The following POFUT3 variants were observed in gnomAD, a reference collection of about 807,000 sequenced individuals.
POFUT3 encodes the protein protein O-fucosyltransferase 3.
the POFUT3 span, among the ~76,000 whole-genome samples, chr8:33,339,208 A>T: frequency 0.22 from 34,202 of 152,128 alleles, 4,206 homozygotes; most frequent in South Asian, 0.5. Flanking sequence ...CAACGAAGAG[A>T]TATAAAGTTT....
chr8:33,467,254 C>T, the POFUT3 span, among the ~76,000 whole-genome samples: 2 of 114,820 alleles, frequency 1.7e-5, no homozygotes, highest in Non-Finnish European at 3.2e-5. Context: ...GCCTGGGCGA[C>T]GGAGCGAGAC....
chr8:33,371,908 C>T, the POFUT3 span: 1 of 152,406 alleles, frequency 6.6e-6, no homozygotes, highest in Non-Finnish European at 1.5e-5. Context: ...TAACATCTCA[C>T]TAATCAAAAC....
At chr8:33,412,941 T>C in the POFUT3 span, among the ~76,000 whole-genome samples, 4 of 152,128 alleles carry the variant, frequency 2.6e-5, no homozygotes, top group Non-Finnish European at 5.9e-5. Flanking sequence ...TTTGCCATCT[T>C]AAGAGACCCT....
the POFUT3 span, among the ~76,000 whole-genome samples, chr8:33,454,335 C>T: frequency 6.6e-6 from 1 of 152,168 alleles, no homozygotes; most frequent in African/African-American, 2.4e-5. Flanking sequence ...CTCTTCAAAG[C>T]CAGCAACACT....
At chr8:33,395,432 AGGAG>A in the POFUT3 span, among the ~76,000 whole-genome samples, 1 of 151,936 alleles carries the variant, frequency 6.6e-6, no homozygotes, top group Non-Finnish European at 1.5e-5. Flanking sequence ...ACGATTGGAG[AGGAG>A]TTTGGCCAGG....
At chr8:33,389,881 G>C in the POFUT3 span, 1 of 909,048 alleles carries the variant, frequency 1.1e-6, no homozygotes, top group South Asian at 1.6e-5. Flanking sequence ...TTAGAATACA[G>C]AGGAGTCTGA....
At chr8:33,422,018 GAAAACAAAAACAAAAACA>G in the POFUT3 span, among the ~76,000 whole-genome samples, 1 of 149,534 alleles carries the variant, frequency 6.7e-6, no homozygotes, top group African/African-American at 2.5e-5. Context: ...CAACCACACA[GAAAACAAAAACAAAAACA>G]AAAACAAAAA....
chr8:33,390,611 AT>A, the POFUT3 span, among the ~76,000 whole-genome samples: 1 of 151,208 alleles, frequency 6.6e-6, no homozygotes, highest in Non-Finnish European at 1.5e-5. Context: ...TAGAAGATAG[AT>A]TTTTTTAATC....
At chr8:33,319,431 TA>T in the POFUT3 span, among the ~76,000 whole-genome samples, 1 of 66,526 alleles carries the variant, frequency 1.5e-5, no homozygotes, top group Admixed American at 2.8e-4. Context: ...ATTATATATA[TA>T]TTTTTTATAT....
the POFUT3 span, among the ~76,000 whole-genome samples, chr8:33,379,172 C>T: frequency 1.3e-5 from 2 of 152,088 alleles, no homozygotes; most frequent in South Asian, 4.1e-4. Context: ...TTTCCCAAGA[C>T]CTCCCTCGCC....
At chr8:33,467,014 A>G in the POFUT3 span, among the ~76,000 whole-genome samples, 54 of 151,976 alleles carry the variant, frequency 3.6e-4, no homozygotes, top group African/African-American at 1.3e-3. Flanking sequence ...CTGAGGCAGG[A>G]AGGATTGCTT....
the POFUT3 span, among the ~76,000 whole-genome samples, chr8:33,444,621 C>G: frequency 2.0e-5 from 3 of 152,026 alleles, no homozygotes; most frequent in Admixed American, 6.6e-5. Flanking sequence ...AGTTTGAGAC[C>G]AGCCTGGCCA....
At chr8:33,332,526 C>T in the POFUT3 span, among the ~76,000 whole-genome samples, 17 of 115,678 alleles carry the variant, frequency 1.5e-4, no homozygotes, top group Middle Eastern at 4.0e-3. Context: ...AGAAAGAAAG[C>T]GAGGGAGGGA....
chr8:33,366,165 C>T, the POFUT3 span, among the ~76,000 whole-genome samples: 1 of 152,146 alleles, frequency 6.6e-6, no homozygotes, highest in Non-Finnish European at 1.5e-5. Context: ...GGACAGAAAA[C>T]CAAACACTGC....
the POFUT3 span, among the ~76,000 whole-genome samples, chr8:33,354,125 T>A: frequency 6.6e-6 from 1 of 152,176 alleles, no homozygotes; most frequent in South Asian, 2.1e-4. Context: ...TAAAATTTGT[T>A]TGGTGTGTTG....
chr8:33,416,830 C>CAAAAAAA, the POFUT3 span, among the ~76,000 whole-genome samples: 2 of 44,460 alleles, frequency 4.5e-5, no homozygotes, highest in Non-Finnish European at 5.5e-5. Context: ...TGGGCGACGA[C>CAAAAAAA]AAAAAAAAAA....
At chr8:33,452,307 G>A in the POFUT3 span, 1 of 151,996 alleles carries the variant, frequency 6.6e-6, no homozygotes, top group Non-Finnish European at 1.5e-5. Flanking sequence ...AAAGTTACAT[G>A]CTCACAGCTC....
the POFUT3 span, among the ~76,000 whole-genome samples, chr8:33,310,230 T>C: frequency 6.6e-6 from 1 of 152,092 alleles, no homozygotes. Context: ...GAGATTTTAC[T>C]AAATTGAAGG....
the POFUT3 span, chr8:33,389,468 G>C: frequency 6.2e-7 from 1 of 1,614,222 alleles, no homozygotes; most frequent in Non-Finnish European, 8.5e-7. Flanking sequence ...CTCGATGTAA[G>C]TCATCAGCTC....
Sources: allele counts gnomAD v4.1 joint callset (sites outside exome capture counted in the v4.1 genomes callset), GRCh38; gene constraint gnomAD v4.1.1; transcripts MANE v1.5; gene names NCBI Gene and HGNC (gene_info 2026-07-23, HGNC 2026-07-21).